EGFLAM: variants seen among roughly 807,000 people sequenced by gnomAD.
EGFLAM encodes pikachurin.
EGFLAM carries 79 observed loss-of-function variants against 113.1 expected under a neutral mutation model. The ratio of observed to expected loss-of-function variants is 0.70; its 90% confidence interval spans 0.58 to 0.84. The LOEUF (loss-of-function observed/expected upper bound fraction) is 0.84. Ranked by LOEUF, EGFLAM falls within the 40% of genes least tolerant of loss-of-function variation. The probability of loss-of-function intolerance (pLI) is 0.00; values close to 1 mark genes in which losing one functional copy is unlikely to be tolerated. For missense variants in EGFLAM, 1,265 were observed against 1,291.6 expected (o/e 0.98, Z 0.32); for synonymous variants, 504 against 487.6 (o/e 1.03, Z -0.44).
At chr5:38,313,825 A>G in intron 1 of EGFLAM, among the ~76,000 whole-genome samples, 1 of 152,134 alleles carries the variant, frequency 6.6e-6, no homozygotes, top group East Asian at 1.9e-4. Context: ...TTGTCTATGT[A>G]AGCGTTTTGT....
intron 1 of EGFLAM, among the ~76,000 whole-genome samples, chr5:38,312,335 A>G (rs1234464873): frequency 4.0e-5 from 6 of 150,240 alleles, no homozygotes; most frequent in African/African-American, 9.9e-5. Flanking sequence ...TCCACCTCCT[A>G]GGTTCATGCC....
intron 1 of EGFLAM, among the ~76,000 whole-genome samples, chr5:38,292,413 A>G (rs1758357144): frequency 6.6e-6 from 1 of 152,166 alleles, no homozygotes; most frequent in Non-Finnish European, 1.5e-5. Flanking sequence ...TTAAAAGGAA[A>G]ACATTGAAAA....
intron 6 of EGFLAM, among the ~76,000 whole-genome samples, chr5:38,394,322 T>C (rs1353186872): frequency 6.6e-6 from 1 of 152,032 alleles, no homozygotes; most frequent in Non-Finnish European, 1.5e-5. Context: ...TCTGTATCAA[T>C]AGGGCCTTGG....
At chr5:38,420,530 C>T (rs1741788466) in intron 12 of EGFLAM, among the ~76,000 whole-genome samples, 1 of 152,220 alleles carries the variant, frequency 6.6e-6, no homozygotes, top group African/African-American at 2.4e-5. Context: ...GAAATAGTAG[C>T]TGCCTCATAA....
Position 38,409,111 on chromosome 5 carries a change from C to G in EGFLAM, c.1349+7C>G. 6.4e-7 allele frequency: 1 copy of G among 1,557,810 alleles called. No individual in the cohort carries two copies. The highest frequency in any genetic ancestry group is 8.7e-7 in the Non-Finnish European group (1 of 1,149,800). On this transcript the variant is annotated splice_region_variant and intron_variant, in intron 10 of 21. Coordinates refer to ENST00000322350, the MANE Select transcript of EGFLAM (RefSeq NM_152403.4). The stretch of plus-strand genomic sequence containing the variant: ...GACGCTCCCTGCAGTTCAGGTAATT[C>G]CTGCCAAAAGCCTCACACTCTTTTT...
intron 15 of EGFLAM, among the ~76,000 whole-genome samples, chr5:38,433,741 G>A (rs1414243815): frequency 2.0e-5 from 3 of 152,206 alleles, no homozygotes; most frequent in Non-Finnish European, 4.4e-5. Flanking sequence ...AATGACAAGA[G>A]AAAGATGCCT....
chr5:38,369,932 C>G (rs989544308), intron 5 of EGFLAM, among the ~76,000 whole-genome samples: 4 of 152,112 alleles, frequency 2.6e-5, no homozygotes, highest in African/African-American at 9.7e-5. Flanking sequence ...TTCTTCTGAC[C>G]TCTGGGGATG....
At chr5:38,304,724 A>G (rs1372695754) in intron 1 of EGFLAM, among the ~76,000 whole-genome samples, 1 of 152,230 alleles carries the variant, frequency 6.6e-6, no homozygotes, top group Non-Finnish European at 1.5e-5. Context: ...CTAAGCATCT[A>G]AACAGTGCCT....
intron 6 of EGFLAM, among the ~76,000 whole-genome samples, chr5:38,392,637 C>A (rs2961889): frequency 1.3e-5 from 2 of 148,908 alleles, no homozygotes; most frequent in Non-Finnish European, 3.0e-5. Flanking sequence ...TTTGGGGGGG[C>A]GGTTCTCACT....
intron 6 of EGFLAM, among the ~76,000 whole-genome samples, chr5:38,379,912 C>G (rs1356184863): frequency 2.0e-5 from 3 of 151,582 alleles, no homozygotes; most frequent in Non-Finnish European, 4.4e-5. Flanking sequence ...CAAAAATAAC[C>G]ATTTACTGAG....
intron 17 of EGFLAM, among the ~76,000 whole-genome samples, chr5:38,441,386 T>G (rs1579936237): frequency 1.3e-5 from 2 of 152,148 alleles, no homozygotes; most frequent in Non-Finnish European, 2.9e-5. Context: ...TAGGCCCCCT[T>G]TTTTCTCAAC....
At position 38,448,832 on chromosome 5, in the gene EGFLAM, C is replaced by A. The variant is rs139500807; in HGVS notation, c.2543+453C>A. Among the ~76,000 whole-genome samples, 15 of 152,338 alleles carry A rather than the reference C, an allele frequency of 9.8e-5. No homozygotes were observed. In the East Asian group the frequency reaches 2.9e-3, roughly 29 times the overall value. ...GCAGAAGGACAGACAGATCCAAGCCCATTCCCTGCTGAGTCCATACCTACC... is the reference window on the plus strand; with the variant it reads ...GCAGAAGGACAGACAGATCCAAGCCAATTCCCTGCTGAGTCCATACCTACC... On this transcript the variant is annotated intron_variant, in intron 18 of 21. Transcript: ENST00000322350.
At chr5:38,355,349 AG>A (rs1254287747) in intron 5 of EGFLAM, among the ~76,000 whole-genome samples, 1 of 152,100 alleles carries the variant, frequency 6.6e-6, no homozygotes, top group Non-Finnish European at 1.5e-5. Flanking sequence ...TTTATGATGA[AG>A]GGGGGAGTCT....
At chr5:38,306,146 C>T (rs1758711792) in intron 1 of EGFLAM, among the ~76,000 whole-genome samples, 1 of 152,118 alleles carries the variant, frequency 6.6e-6, no homozygotes, top group Admixed American at 6.5e-5. Context: ...GTCATTATGA[C>T]TGAAATAGAT....
intron 1 of EGFLAM, among the ~76,000 whole-genome samples, chr5:38,316,908 C>G (rs1738608540): frequency 6.6e-6 from 1 of 152,166 alleles, no homozygotes; most frequent in Non-Finnish European, 1.5e-5. Context: ...CTGCTTTGGG[C>G]CAAGGACAGA....
At chr5:38,274,980 A>AT (rs35097909) in intron 1 of EGFLAM, among the ~76,000 whole-genome samples, 30,002 of 151,730 alleles carry the variant, frequency 0.2, 4,390 homozygotes, top group African/African-American at 0.4. Flanking sequence ...AAGTGTAGAG[A>AT]TTTTTTTTTC....
chr5:38,315,879 C>A (rs998054028), intron 1 of EGFLAM, among the ~76,000 whole-genome samples: 14 of 152,018 alleles, frequency 9.2e-5, no homozygotes, highest in Non-Finnish European at 2.1e-4. Flanking sequence ...AGTTCGAGAC[C>A]AGCCTGTCCA....
Position 38,311,437 on chromosome 5 carries a change from T to A in EGFLAM, c.98-26083T>A, listed in dbSNP as rs554486384. Among the ~76,000 whole-genome samples, 24 of 152,316 alleles carry A rather than the reference T, an allele frequency of 1.6e-4. No homozygotes were observed. In the South Asian group the frequency reaches 4.8e-3, roughly 30 times the overall value. ...AAGATCCTATATGTAAGTGAGATCA[T>A]GCGATCTTTGTCCTTCTGTGCCTGG... is the stretch of plus-strand genomic sequence containing the variant. On this transcript the variant is annotated intron_variant, in intron 1 of 21. Transcript: ENST00000322350.
intron 6 of EGFLAM, among the ~76,000 whole-genome samples, chr5:38,387,277 C>T (rs1047936400): frequency 6.6e-6 from 1 of 152,186 alleles, no homozygotes; most frequent in African/African-American, 2.4e-5. Context: ...CCTCCTTGCT[C>T]AGGATAAAGG....
Sources: gnomAD v4.1 joint callset for allele counts (sites outside exome capture counted in the v4.1 genomes callset) on GRCh38, gnomAD v4.1.1 for gene constraint, MANE v1.5 for transcripts, NCBI Gene and HGNC (gene_info 2026-07-23, HGNC 2026-07-21) for gene names.